The following LCA5L variants were observed in gnomAD, a reference collection of about 807,000 sequenced individuals.
LCA5L encodes lebercilin LCA5 like.
Under a neutral mutation model 45.4 loss-of-function variants are expected in LCA5L, and 35 were observed. That is an observed-to-expected ratio of 0.77 (90% CI 0.59 to 1.02). LCA5L has a LOEUF of 1.02. LCA5L is among the 50% of genes least tolerant of loss of function. The pLI, the probability that LCA5L is intolerant of heterozygous loss-of-function variation, is 0.00. For missense variants in LCA5L, 668 were observed against 761.6 expected, an observed-to-expected ratio of 0.88 and a Z score of 1.45; for synonymous variants, 233 against 264.7, an observed-to-expected ratio of 0.88 and a Z score of 1.16.
chr21:39,423,328 T>C lies in LCA5L; in HGVS notation c.485A>G (p.His162Arg), dbSNP rs2147736697. 6 of 1,613,000 alleles carry C rather than the reference T, an allele frequency of 3.7e-6. No individual in the cohort carries two copies. Among genetic ancestry groups the C allele is most frequent in the East Asian group, 4.5e-5 (2 of 44,864 alleles). The change falls in exon 6 of 11, where the codon CAT (histidine) becomes CGT (arginine). Residue 162 changes from histidine to arginine, a missense_variant. Coordinates refer to ENST00000288350, the MANE Select transcript of LCA5L (RefSeq NM_152505.4). ...TGTAAGGATGGCTTCCAATTTATGA[T>C]GCATATCAGCTAATTCATTTTTTAG... ...KGLKNELADM[H>R]HKLEAILTEN...
In LCA5L at chr21:39,429,220, T is replaced by C. The variant is rs1319343535; in HGVS notation, c.-91-9A>G. The C allele has an allele frequency of 1.3e-5, 2 of 152,188 alleles. No homozygotes were observed. Among genetic ancestry groups the C allele is most frequent in the African/African-American group, 4.8e-5 (2 of 41,442 alleles). The allele number at this position is 152,188 out of a possible 1,614,324, so 9.4% of individuals were successfully genotyped here. A position where few individuals can be genotyped will look rare whatever the true frequency, so the allele number is the denominator to read the frequency against. ...TTTAATTCTCAATTCTCCTGTTTTATCAAGAAAGCAAAAGAGAATTTAACT... is the reference window on the plus strand; with the variant it reads ...TTTAATTCTCAATTCTCCTGTTTTACCAAGAAAGCAAAAGAGAATTTAACT... On this transcript the variant is annotated splice_polypyrimidine_tract_variant and intron_variant, in intron 3 of 10. Transcript: ENST00000288350.
At chr21:39,420,958 T>A in intron 6 of LCA5L, 115 bp from the exon 7 acceptor site, 1 of 761,192 alleles carries the variant, frequency 1.3e-6, no homozygotes, top group Non-Finnish European at 2.1e-6. Context: ...ACAATTTTAG[T>A]GAATGACTTA....
intron 5 of LCA5L, among the ~76,000 whole-genome samples, chr21:39,425,180 G>A (rs2074455616): frequency 6.6e-6 from 1 of 152,216 alleles, no homozygotes; most frequent in Non-Finnish European, 1.5e-5. Context: ...TCATTCTGGA[G>A]AGGGAAGGAC....
At chr21:39,419,253 G>A (rs1333142235) in intron 7 of LCA5L, among the ~76,000 whole-genome samples, 1 of 152,090 alleles carries the variant, frequency 6.6e-6, no homozygotes, top group Non-Finnish European at 1.5e-5. Flanking sequence ...GGCTGGGTGT[G>A]GTGGCTCACA....
At chr21:39,425,549 G>A (rs1370763639) in intron 5 of LCA5L, among the ~76,000 whole-genome samples, 1 of 152,192 alleles carries the variant, frequency 6.6e-6, no homozygotes, top group Non-Finnish European at 1.5e-5. Flanking sequence ...GAGCAGGCCA[G>A]CCTCTAGGAC....
At chr21:39,422,227 A>G (rs2073894220) in intron 6 of LCA5L, 1 of 152,250 alleles carries the variant, frequency 6.6e-6, no homozygotes, top group South Asian at 2.1e-4. Context: ...AGCATCAAAT[A>G]TTACAGAATT....
In LCA5L at chr21:39,406,151, A is replaced by G. The variant is rs1314927354; in HGVS notation, c.1744T>C (p.Ser582Pro). ...SGYEPSFGKS[S>P]RIKVKDTTFR... ...GTTGTATCCTTCACTTTTATTCTGGAAGACTTACCAAATGAGGGCTCATAC... is the reference window on the plus strand; with the variant it reads ...GTTGTATCCTTCACTTTTATTCTGGGAGACTTACCAAATGAGGGCTCATAC... The change falls in exon 11 of 11, where the codon TCC (serine) becomes CCC (proline). Residue 582 changes from serine to proline, a missense_variant. Physicochemically the swap from Ser to Pro is moderately conservative, Grantham distance 74 (BLOSUM62 -1). Transcript: ENST00000288350. 1.2e-6 allele frequency: 2 copies of G among 1,614,206 alleles called. No homozygotes were observed. Among genetic ancestry groups the G allele is most frequent in the Admixed American group, 3.3e-5 (2 of 60,018 alleles).
intron 7 of LCA5L, among the ~76,000 whole-genome samples, chr21:39,419,272 C>T (rs895627499): frequency 2.6e-5 from 4 of 152,020 alleles, no homozygotes; most frequent in African/African-American, 9.7e-5. Context: ...CACCTGTAAT[C>T]CTAACACTTT....
chr21:39,414,752 G>GTGTGTT (rs1387430668), intron 7 of LCA5L, among the ~76,000 whole-genome samples: 2 of 148,582 alleles, frequency 1.3e-5, no homozygotes, highest in African/African-American at 5.1e-5. Flanking sequence ...CTGTGTGTGT[G>GTGTGTT]TGTGTGTGTG....
intron 6 of LCA5L, 86 bp from the exon 7 acceptor site, chr21:39,420,929 A>G: frequency 2.0e-6 from 2 of 1,000,136 alleles, no homozygotes; most frequent in East Asian, 2.5e-5. Flanking sequence ...TACATTTATG[A>G]AAAGTGCACA....
chr21:39,433,689 T>C (rs2075990012), intron 3 of LCA5L, among the ~76,000 whole-genome samples: 1 of 152,056 alleles, frequency 6.6e-6, no homozygotes, highest in Admixed American at 6.6e-5. Flanking sequence ...TTGATCTATT[T>C]CTGTGCTCTC....
chr21:39,406,589 A>G lies in LCA5L; in HGVS notation c.1306T>C (p.Leu436=). The change falls in exon 11 of 11, where the codon TTG becomes CTG. Residue 436 remains leucine (L), a synonymous_variant. Coordinates refer to ENST00000288350, the MANE Select transcript of LCA5L (RefSeq NM_152505.4). ...TTCTCCAGCAGTATTTGGACTTCCA[A>G]ATGTTTCTCTTCCCCTGATAAATCT... ...YEDLSGEEKH[L]EVQILLENTG... is the part of the protein sequence containing the mutation. 1 of 1,587,700 alleles carries G rather than the reference A, an allele frequency of 6.3e-7. No homozygotes were observed. The highest frequency in any genetic ancestry group is 1.2e-5 in the South Asian group (1 of 86,010).
intron 7 of LCA5L, 117 bp from the exon 8 acceptor site, chr21:39,411,919 G>GTCTTCT (rs2040150565): frequency 1.7e-6 from 1 of 594,910 alleles, no homozygotes; most frequent in Non-Finnish European, 3.0e-6. Context: ...GTAGATTTTA[G>GTCTTCT]AAGAAACAGA....
At position 39,410,074 on chromosome 21, in the gene LCA5L, A is replaced by G; in HGVS notation, c.1187T>C (p.Ile396Thr). Reference sequence around the variant, plus strand: ...TTCAGTTGATTTTTCTTTATGATCGATGTTTCCTGTTGCCTTTTTACCCTG... The same window carrying G: ...TTCAGTTGATTTTTCTTTATGATCGGTGTTTCCTGTTGCCTTTTTACCCTG... ...TTKGKKATGN[I>T]DHKEKSTEIN... The change falls in exon 10 of 11, where the codon ATC becomes ACC. Residue 396 changes from isoleucine to threonine, a missense_variant. Coordinates refer to ENST00000288350, the MANE Select transcript of LCA5L (RefSeq NM_152505.4). 6.2e-7 allele frequency: 1 copy of G among 1,610,756 alleles called. No individual in the cohort carries two copies. The highest frequency in any genetic ancestry group is 1.1e-5 in the South Asian group (1 of 90,798).
chr21:39,432,834 T>G (rs988582858), intron 3 of LCA5L, among the ~76,000 whole-genome samples: 2 of 152,232 alleles, frequency 1.3e-5, no homozygotes, highest in African/African-American at 4.8e-5. Flanking sequence ...TGTTACTATG[T>G]GCATCAATAT....
intron 7 of LCA5L, among the ~76,000 whole-genome samples, chr21:39,416,133 A>C (rs1190717710): frequency 2.0e-5 from 3 of 152,138 alleles, no homozygotes; most frequent in African/African-American, 4.8e-5. Flanking sequence ...CCCCTCACAA[A>C]CGATTTGGTT....
At chr21:39,431,121 T>C (rs2075668390) in intron 3 of LCA5L, among the ~76,000 whole-genome samples, 1 of 152,210 alleles carries the variant, frequency 6.6e-6, no homozygotes, top group African/African-American at 2.4e-5. Context: ...CAGATTAAAA[T>C]GTCCCCTAAT....
rs2039027772 is a variant in LCA5L at position 39,406,027 on chromosome 21, T to C, written c.1868A>G (p.Glu623Gly). ...CGACTCCTTACTTTGCAAAGGCTCCTCTGAGCCTTTTGCAACACCAGGACT... is the reference window on the plus strand; with the variant it reads ...CGACTCCTTACTTTGCAAAGGCTCCCCTGAGCCTTTTGCAACACCAGGACT... ...QSSPGVAKGS[E>G]EPLQSKESHP... Residue 623 changes from glutamate (E) to glycine (G), a missense_variant, in exon 11 of 11, where the codon GAG (glutamate) becomes GGG (glycine). Physicochemically the swap from Glu to Gly is moderately conservative, Grantham distance 98 (BLOSUM62 -2). Transcript: ENST00000288350. 3 of 1,614,088 alleles carry C rather than the reference T, an allele frequency of 1.9e-6. No homozygotes were observed. Among genetic ancestry groups the C allele is most frequent in the Non-Finnish European group, 1.7e-6 (2 of 1,180,030 alleles).
rs2039037662 is a variant in LCA5L at position 39,406,102 on chromosome 21, A to T, written c.1793T>A (p.Leu598His). ...GCCTGATCCAAAGAGTTCTTCCATG[A>T]GACTGCTTTTCTTATCTCTGAAAGT... Reference protein sequence around the residue: ...DTTFRDKKSSLMEELFGSGYV... With the variant: ...DTTFRDKKSSHMEELFGSGYV... Residue 598 changes from leucine (L) to histidine (H), a missense_variant, in exon 11 of 11, where the codon CTC (leucine) becomes CAC (histidine). Transcript: ENST00000288350. 1.2e-6 allele frequency: 2 copies of T among 1,614,178 alleles called. No individual in the cohort carries two copies. Among genetic ancestry groups the T allele is most frequent in the East Asian group, 2.2e-5 (1 of 44,884 alleles).
Sources: gnomAD v4.1 joint callset for allele counts (sites outside exome capture counted in the v4.1 genomes callset) on GRCh38, gnomAD v4.1.1 for gene constraint, MANE v1.5 for transcripts, NCBI Gene and HGNC (gene_info 2026-07-23, HGNC 2026-07-21) for gene names.